Variants in TSPAN11 observed in about 807,000 individuals in gnomAD.
The protein encoded by TSPAN11 is tetraspanin-11.
Under a neutral mutation model 32.9 loss-of-function variants are expected in TSPAN11, and 29 were observed. The observed-to-expected ratio is 0.88, with a 90% CI of 0.66 to 1.20. TSPAN11 has a LOEUF of 1.20. Among genes scored for constraint, TSPAN11 ranks in the 50% most tolerant of loss-of-function variants. The pLI is 0.00. For synonymous variants in TSPAN11, 140 were observed against 141.3 expected, an observed-to-expected ratio of 0.99 and a Z score of 0.07; for missense variants, 283 against 329.1, an observed-to-expected ratio of 0.86 and a Z score of 1.08.
chr12:30,961,499 C>T (rs1277652823), intron 2 of TSPAN11, among the ~76,000 whole-genome samples: 1 of 151,924 alleles, frequency 6.6e-6, no homozygotes, highest in Non-Finnish European at 1.5e-5. Context: ...CCTCTGGTGA[C>T]CCATCCAACA....
chr12:30,991,980 G>A lies in TSPAN11; in HGVS notation c.*65G>A, dbSNP rs1424184115. On this transcript the variant is annotated 3_prime_UTR_variant, in exon 8 of 8. Transcript: ENST00000546076. ...CATGTGGCCACATGCCATCTGCAAGGCCTGCAGAGTTAGCACCAGCTCCAC... is the reference window on the plus strand; with the variant it reads ...CATGTGGCCACATGCCATCTGCAAGACCTGCAGAGTTAGCACCAGCTCCAC... 3.8e-6 allele frequency: 6 copies of A among 1,569,252 alleles called. No individual in the cohort carries two copies. The African/African-American group carries it at 5.4e-5, about 14-fold the overall frequency.
At chr12:31,010,120 A>G in the TSPAN11 span, among the ~76,000 whole-genome samples, 1 of 152,154 alleles carries the variant, frequency 6.6e-6, no homozygotes, top group Non-Finnish European at 1.5e-5. Flanking sequence ...GATGTCTACC[A>G]AGTGCTATGT....
chr12:30,966,812 C>G (rs529287689), intron 3 of TSPAN11, among the ~76,000 whole-genome samples: 25 of 152,350 alleles, frequency 1.6e-4, no homozygotes, highest in African/African-American at 5.3e-4. Context: ...GGGCAAGAGA[C>G]AGGGGTGTAG....
chr12:30,986,014 G>A (rs934825343), intron 7 of TSPAN11, among the ~76,000 whole-genome samples: 5 of 152,230 alleles, frequency 3.3e-5, no homozygotes, highest in African/African-American at 9.6e-5. Context: ...GGCTCCCTCT[G>A]CCAGCTGACG....
rs1308877494 is a variant in TSPAN11, at chr12:30,953,893, A to G, written c.-11-88A>G. 4.3e-6 allele frequency: 4 copies of G among 934,890 alleles called. No homozygotes were observed. In the African/African-American group the frequency reaches 6.6e-5, roughly 15 times the overall value. 57.9% of individuals were successfully genotyped at this position (934,890 alleles called of 1,614,324 possible). ...GCAGATAGGTTAATGAGCCCTTTGA[A>G]GGGAGCCTTGCCAAGATGCTCTGGC... On this transcript the variant is annotated intron_variant, in intron 1 of 7. Transcript: ENST00000546076.
the TSPAN11 span, among the ~76,000 whole-genome samples, chr12:31,012,983 C>T: frequency 3.9e-5 from 6 of 152,290 alleles, no homozygotes; most frequent in South Asian, 4.1e-4. Context: ...GTACTATCCA[C>T]GTGAGAGGAT....
chr12:30,942,102 G>A (rs1549104), intron 1 of TSPAN11, among the ~76,000 whole-genome samples: 103,977 of 152,066 alleles, frequency 0.68, 35,813 homozygotes, highest in East Asian at 0.89. Flanking sequence ...CATCCCAGCC[G>A]TCAGATTCGG....
intron 1 of TSPAN11, among the ~76,000 whole-genome samples, chr12:30,948,540 C>T (rs1050667472): frequency 6.6e-6 from 1 of 152,190 alleles, no homozygotes; most frequent in African/African-American, 2.4e-5. Flanking sequence ...GGGCTTCCAC[C>T]CTCTGAAGCC....
the TSPAN11 span, among the ~76,000 whole-genome samples, chr12:31,009,488 G>T: frequency 6.6e-6 from 1 of 152,220 alleles, no homozygotes; most frequent in Non-Finnish European, 1.5e-5. Flanking sequence ...GCTGGGCACA[G>T]AGGGAATCTC....
intron 4 of TSPAN11, 110 bp from the exon 5 acceptor site, chr12:30,979,456 A>G: frequency 1.0e-6 from 1 of 957,430 alleles, no homozygotes; most frequent in Non-Finnish European, 1.7e-6. Context: ...CACACCATCC[A>G]CAGTCCGCAG....
At chr12:30,999,017 T>C (rs1410107762), downstream of TSPAN11, 2 of 152,166 alleles carry the variant, frequency 1.3e-5, no homozygotes, top group Non-Finnish European at 2.9e-5. Context: ...ATCGTAAGTT[T>C]AAAATATTGT....
intron 5 of TSPAN11, among the ~76,000 whole-genome samples, chr12:30,981,975 C>T (rs1316992721): frequency 1.3e-5 from 2 of 152,206 alleles, no homozygotes; most frequent in Non-Finnish European, 2.9e-5. Flanking sequence ...CTTCCCTGCC[C>T]TGGGGTGGTA....
rs546085885 is a variant in TSPAN11 at position 30,943,494 on chromosome 12, GT to G, written c.-11-10484del. Among the ~76,000 whole-genome samples, 44 of 152,310 alleles carry G rather than the reference GT, an allele frequency of 2.9e-4. No individual in the cohort carries two copies. In the East Asian group the frequency reaches 8.1e-3, roughly 28 times the overall value. ...AGCATGTAGTTAGCATTTAGTAAATGTTTATGTTTATAATTACTGTATCCGC... is the reference window on the plus strand; with the variant it reads ...AGCATGTAGTTAGCATTTAGTAAATGTTATGTTTATAATTACTGTATCCGC... On this transcript the variant is annotated intron_variant, in intron 1 of 7. Transcript: ENST00000546076.
At chr12:31,007,770 CT>C in the TSPAN11 span, among the ~76,000 whole-genome samples, 1 of 152,152 alleles carries the variant, frequency 6.6e-6, no homozygotes, top group Non-Finnish European at 1.5e-5. Context: ...CCTGACATGC[CT>C]GCTAGTAATG....
At chr12:31,006,109 C>G in the TSPAN11 span, 13 of 152,718 alleles carry the variant, frequency 8.5e-5, no homozygotes, top group East Asian at 3.9e-4. Flanking sequence ...ACAGCCAAAG[C>G]TCAGAGCCAG....
Position 30,985,069 on chromosome 12 carries a change from A to C in TSPAN11, c.702+1919A>C, listed in dbSNP as rs550160534. Among the ~76,000 whole-genome samples, 12 of 152,150 alleles carry C rather than the reference A, an allele frequency of 7.9e-5. No homozygotes were observed. In the South Asian group the frequency reaches 1.9e-3, roughly 24 times the overall value. Reference sequence around the variant, plus strand: ...TTCCAGTGCAGGGTCCTTGGAAACCATGGTGCCACCTACCCACATCATCTG... The same window carrying C: ...TTCCAGTGCAGGGTCCTTGGAAACCCTGGTGCCACCTACCCACATCATCTG... On this transcript the variant is annotated intron_variant, in intron 7 of 7. Transcript: ENST00000546076.
chr12:30,949,410 G>T (rs1479526526), intron 1 of TSPAN11, among the ~76,000 whole-genome samples: 1 of 152,180 alleles, frequency 6.6e-6, no homozygotes, highest in African/African-American at 2.4e-5. Context: ...TGGCTGGGGA[G>T]GCCTCAGAAT....
At chr12:30,977,285 G>A (rs927000703) in intron 3 of TSPAN11, among the ~76,000 whole-genome samples, 13 of 151,516 alleles carry the variant, frequency 8.6e-5, no homozygotes, top group African/African-American at 3.1e-4. Context: ...CCTGGGCACC[G>A]CCCCCGCTCC....
At chr12:31,012,161 A>C in the TSPAN11 span, among the ~76,000 whole-genome samples, 2 of 152,342 alleles carry the variant, frequency 1.3e-5, no homozygotes, top group African/African-American at 4.8e-5. Context: ...CCTCCAGCCC[A>C]GCCACGTGCC....
Sources: gnomAD v4.1 joint callset for allele counts (sites outside exome capture counted in the v4.1 genomes callset) on GRCh38, gnomAD v4.1.1 for gene constraint, MANE v1.5 for transcripts, NCBI Gene and HGNC (gene_info 2026-07-23, HGNC 2026-07-21) for gene names.